NUDCD1: variants seen among roughly 807,000 people sequenced by gnomAD.
NUDCD1 encodes the protein nudC domain-containing protein 1.
In NUDCD1, 60 loss-of-function variants were observed where a neutral mutation model predicts 67.8. The observed-to-expected ratio is 0.88, with a 90% confidence interval of 0.72 to 1.10. The LOEUF (loss-of-function observed/expected upper bound fraction) is 1.10, where lower values mean the gene tolerates loss of function less well. Among genes scored for constraint, NUDCD1 ranks in the 50% least tolerant of loss-of-function variants. The pLI is 0.00. For missense variants in NUDCD1, 643 were observed against 695.0 expected (o/e 0.93, Z 0.84); for synonymous variants, 244 against 230.8 (o/e 1.06, Z -0.52).
chr8:109,281,165 C>A lies in NUDCD1; in HGVS notation c.831G>T (p.Leu277=), dbSNP rs556612488. The A allele has an allele frequency of 1.9e-6, 3 of 1,609,132 alleles. No homozygotes were observed. In the East Asian group the frequency reaches 6.7e-5, roughly 36 times the overall value. ...EDISEKIKEP[L]YYWQQTEDDL... ...CATCTTCAGTCTGTTGCCAGTAATA[C>A]AGAGGTTCTATTGGGAAAAGAAAAA... is the stretch of plus-strand genomic sequence containing the variant. The change falls in exon 6 of 10, where the codon CTG becomes CTT. Residue 277 remains leucine, a synonymous_variant. Transcript: ENST00000239690.
At chr8:109,306,860 T>C (rs1297713810) in intron 2 of NUDCD1, among the ~76,000 whole-genome samples, 1 of 151,948 alleles carries the variant, frequency 6.6e-6, no homozygotes. Context: ...ACAAAATCTT[T>C]CCTCAGTTTA....
At chr8:109,261,977 A>G (rs1813872679) in intron 8 of NUDCD1, among the ~76,000 whole-genome samples, 1 of 152,170 alleles carries the variant, frequency 6.6e-6, no homozygotes, top group Non-Finnish European at 1.5e-5. Context: ...GGTATGGAGC[A>G]CTGCATTACA....
At chr8:109,266,618 T>A (rs1814007466) in intron 8 of NUDCD1, among the ~76,000 whole-genome samples, 2 of 152,126 alleles carry the variant, frequency 1.3e-5, no homozygotes, top group South Asian at 4.1e-4. Flanking sequence ...ATACCACATT[T>A]CAATGCAGAC....
intron 2 of NUDCD1, among the ~76,000 whole-genome samples, chr8:109,314,265 T>C (rs989706205): frequency 7.9e-5 from 12 of 152,172 alleles, no homozygotes; most frequent in Non-Finnish European, 1.8e-4. Flanking sequence ...AAGGCAACAT[T>C]ACACAGCTGA....
At chr8:109,270,083 TGCCTTAA>T (rs1563665937) in intron 8 of NUDCD1, among the ~76,000 whole-genome samples, 1 of 1,454 alleles carries the variant, frequency 6.9e-4, no homozygotes, top group Admixed American at 0.011. Context: ...GGGGGGGGGG[TGCCTTAA>T]GGTGGGGTGT....
intron 1 of NUDCD1, among the ~76,000 whole-genome samples, chr8:109,327,311 T>C (rs1815700898): frequency 6.6e-6 from 1 of 152,222 alleles, no homozygotes; most frequent in Non-Finnish European, 1.5e-5. Flanking sequence ...ATTTTCCCCA[T>C]CTTTTCCTCC....
intron 6 of NUDCD1, among the ~76,000 whole-genome samples, chr8:109,276,117 T>C (rs1361953255): frequency 6.6e-6 from 1 of 152,226 alleles, no homozygotes; most frequent in East Asian, 1.9e-4. Flanking sequence ...TATTAACTTA[T>C]TTAAAATCTA....
intron 8 of NUDCD1, among the ~76,000 whole-genome samples, chr8:109,254,159 T>C (rs1813678969): frequency 6.6e-6 from 1 of 152,276 alleles, no homozygotes; most frequent in Non-Finnish European, 1.5e-5. Context: ...AAGCAGCCAA[T>C]AGCTTATGAG....
At chr8:109,294,723 T>C (rs991951658) in intron 3 of NUDCD1, among the ~76,000 whole-genome samples, 3 of 152,118 alleles carry the variant, frequency 2.0e-5, no homozygotes, top group African/African-American at 7.2e-5. Context: ...CGTTGATACA[T>C]GGCACTTCCA....
chr8:109,278,659 A>T (rs1308562234), intron 6 of NUDCD1, among the ~76,000 whole-genome samples: 1 of 152,256 alleles, frequency 6.6e-6, no homozygotes, highest in Non-Finnish European at 1.5e-5. Context: ...ATACAGTATG[A>T]TTTTTTGTCT....
chr8:109,317,410 G>A (rs1815425498), intron 2 of NUDCD1, among the ~76,000 whole-genome samples: 1 of 152,104 alleles, frequency 6.6e-6, no homozygotes, highest in Admixed American at 6.5e-5. Context: ...AGAGCACTGT[G>A]GCATTCTGGA....
In NUDCD1 at chr8:109,252,640, C is replaced by T. The variant is rs1178341641; in HGVS notation, c.1300-7159G>A. On this transcript the variant is annotated intron_variant, in intron 8 of 9. Coordinates refer to ENST00000239690, the MANE Select transcript of NUDCD1 (RefSeq NM_032869.4). ...TAGGTGACAGTTACGGGTCACACCACGTCTTTAGCAATCTGTTAGTTGAAT... is the reference window on the plus strand; with the variant it reads ...TAGGTGACAGTTACGGGTCACACCATGTCTTTAGCAATCTGTTAGTTGAAT... 2.0e-5 allele frequency among the ~76,000 whole-genome samples: 3 copies of T among 152,186 alleles called. No individual in the cohort carries two copies. In the East Asian group the frequency reaches 5.8e-4, roughly 29 times the overall value.
At chr8:109,246,093 C>G (rs911572080) in intron 8 of NUDCD1, among the ~76,000 whole-genome samples, 1 of 152,112 alleles carries the variant, frequency 6.6e-6, no homozygotes, top group Admixed American at 6.5e-5. Context: ...AACCATCCAC[C>G]AAGCCCCCAC....
intron 8 of NUDCD1, among the ~76,000 whole-genome samples, chr8:109,255,438 G>A (rs922432771): frequency 6.6e-6 from 1 of 152,016 alleles, no homozygotes; most frequent in African/African-American, 2.4e-5. Context: ...TAGCTAAGTG[G>A]TATAAAATAC....
At chr8:109,255,945 C>T (rs2129896732) in intron 8 of NUDCD1, among the ~76,000 whole-genome samples, 1 of 152,284 alleles carries the variant, frequency 6.6e-6, no homozygotes, top group Non-Finnish European at 1.5e-5. Context: ...TGCTGTGACT[C>T]ACACCTGTTA....
At chr8:109,320,158 A>G (rs1263514481) in intron 2 of NUDCD1, among the ~76,000 whole-genome samples, 2 of 152,184 alleles carry the variant, frequency 1.3e-5, no homozygotes, top group African/African-American at 4.8e-5. Context: ...CATTGATAAC[A>G]TCTTATCAGG....
intron 1 of NUDCD1, among the ~76,000 whole-genome samples, chr8:109,329,482 G>A (rs1014624946): frequency 6.6e-6 from 1 of 152,112 alleles, no homozygotes; most frequent in African/African-American, 2.4e-5. Context: ...AAAAAGGCAT[G>A]TTATGTATAG....
intron 8 of NUDCD1, among the ~76,000 whole-genome samples, chr8:109,255,418 T>C (rs1487474353): frequency 6.6e-6 from 1 of 152,216 alleles, no homozygotes; most frequent in Non-Finnish European, 1.5e-5. Flanking sequence ...CATAGGAAGA[T>C]GTCAGATCTT....
At chr8:109,326,355 T>C (rs1220661665) in intron 1 of NUDCD1, among the ~76,000 whole-genome samples, 1 of 152,204 alleles carries the variant, frequency 6.6e-6, no homozygotes, top group Non-Finnish European at 1.5e-5. Context: ...AGTTATCACA[T>C]GATGATGACC....
Sources: gnomAD v4.1 joint callset for allele counts (sites outside exome capture counted in the v4.1 genomes callset) on GRCh38, gnomAD v4.1.1 for gene constraint, MANE v1.5 for transcripts, NCBI Gene and HGNC (gene_info 2026-07-23, HGNC 2026-07-21) for gene names.